The following TRIP12 variants were observed in gnomAD, a reference collection of about 807,000 sequenced individuals.
TRIP12 encodes thyroid hormone receptor interactor 12.
A neutral mutation model predicts 244.2 loss-of-function variants in TRIP12; 25 were observed. The observed-to-expected ratio is 0.10, with a 90% CI of 0.07 to 0.14. The LOEUF (loss-of-function observed/expected upper bound fraction) is 0.14. Among genes scored for constraint, TRIP12 ranks in the 10% least tolerant of loss-of-function variants. TRIP12 has a pLI of 1.00. For missense variants in TRIP12, 1,677 were observed against 2,486.4 expected (o/e 0.67, Z 6.92); for synonymous variants, 905 against 873.1 (o/e 1.04, Z -0.64).
At chr2:229,798,209 G>GC (rs2043299737) in intron 23 of TRIP12, among the ~76,000 whole-genome samples, 1 of 152,130 alleles carries the variant, frequency 6.6e-6, no homozygotes. Context: ...CCAGAAACAT[G>GC]CGCCTATTAA....
At chr2:229,840,597 G>T (rs928217115) in intron 5 of TRIP12, among the ~76,000 whole-genome samples, 7 of 151,986 alleles carry the variant, frequency 4.6e-5, no homozygotes, top group African/African-American at 1.7e-4. Context: ...AGCTACTAGG[G>T]AGGCTAAGGC....
chr2:229,862,996 G>T (rs532973689), intron 2 of TRIP12, among the ~76,000 whole-genome samples: 3 of 152,274 alleles, frequency 2.0e-5, no homozygotes, highest in South Asian at 4.1e-4. Flanking sequence ...TTGGGAGACA[G>T]AGGCGGATGT....
At chr2:229,772,260 G>C (rs2034625842) in intron 38 of TRIP12, among the ~76,000 whole-genome samples, 1 of 152,154 alleles carries the variant, frequency 6.6e-6, no homozygotes, top group Non-Finnish European at 1.5e-5. Context: ...AAAACATTAG[G>C]ATTTTCTTGA....
chr2:229,915,431 C>T (rs1303154933), intron 1 of TRIP12, among the ~76,000 whole-genome samples: 4 of 152,056 alleles, frequency 2.6e-5, no homozygotes, highest in African/African-American at 9.7e-5. Context: ...TTAGCATTAA[C>T]GATGCAAAAT....
chr2:229,788,941 C>A lies in TRIP12; in HGVS notation c.4696-1G>T. On this transcript the variant is annotated splice_acceptor_variant, in intron 31 of 41. Coordinates refer to ENST00000675903, the MANE Select transcript of TRIP12 (RefSeq NM_001348323.3). LOFTEE classifies it high-confidence loss of function. The stretch of plus-strand genomic sequence containing the variant: ...GAATAATTTCCTTGCACATTGCATT[C>A]TGTAAAATGTTTAAAAAAAAAAAAG... 6.3e-7 allele frequency: 1 copy of A among 1,588,692 alleles called. No individual in the cohort carries two copies. Among genetic ancestry groups the A allele is most frequent in the South Asian group, 1.2e-5 (1 of 85,946 alleles).
chr2:229,922,538 C>T (rs202219810), upstream of TRIP12: 38 of 1,613,984 alleles, frequency 2.4e-5, no homozygotes, highest in Non-Finnish European at 3.1e-5. Flanking sequence ...GCCGGAGACT[C>T]TCTTTGAAAC....
intron 1 of TRIP12, among the ~76,000 whole-genome samples, chr2:229,915,223 A>C (rs1021243730): frequency 6.6e-5 from 10 of 152,180 alleles, no homozygotes; most frequent in Admixed American, 3.9e-4. Flanking sequence ...ACTGCACTCC[A>C]ATCTGGACAA....
At chr2:229,840,782 A>C in intron 5 of TRIP12, 40 bp downstream of exon 5, 1 of 1,331,328 alleles carries the variant, frequency 7.5e-7, no homozygotes, top group Admixed American at 2.4e-5. Flanking sequence ...GAGCAACAGA[A>C]TAAAAATGAA....
chr2:229,899,506 G>C (rs1341880560), intron 1 of TRIP12, among the ~76,000 whole-genome samples: 1 of 152,192 alleles, frequency 6.6e-6, no homozygotes, highest in South Asian at 2.1e-4. Context: ...TGTGCAGATA[G>C]CCAGCGGTGA....
intron 2 of TRIP12, among the ~76,000 whole-genome samples, chr2:229,875,294 A>G (rs567569675): frequency 6.6e-6 from 1 of 152,318 alleles, no homozygotes; most frequent in Admixed American, 6.5e-5. Flanking sequence ...AATTTAAACT[A>G]TTTTTAAAAA....
At chr2:229,872,621 T>C (rs891065507) in intron 2 of TRIP12, among the ~76,000 whole-genome samples, 35 of 152,116 alleles carry the variant, frequency 2.3e-4, no homozygotes, top group Admixed American at 3.3e-4. Flanking sequence ...GCAAGTCACA[T>C]TACGGTATGT....
chr2:229,919,140 G>A (rs954126950), intron 1 of TRIP12, among the ~76,000 whole-genome samples: 2 of 152,188 alleles, frequency 1.3e-5, no homozygotes, highest in Non-Finnish European at 2.9e-5. Flanking sequence ...TGGGGCCGGC[G>A]TGGTGGCTCT....
chr2:229,789,903 G>A (rs769182007), intron 30 of TRIP12, 141 bp from the exon 31 acceptor site: 1 of 890,106 alleles, frequency 1.1e-6, no homozygotes, highest in Non-Finnish European at 1.6e-6. Context: ...GTATTGATAA[G>A]TTTGACAATC....
chr2:229,870,931 C>T (rs2062455037), intron 2 of TRIP12, among the ~76,000 whole-genome samples: 1 of 152,002 alleles, frequency 6.6e-6, no homozygotes, highest in Admixed American at 6.6e-5. Context: ...CCTAGCACTA[C>T]GGGAGGCTGA....
chr2:229,836,710 A>T (rs1334256453), intron 6 of TRIP12, 138 bp downstream of exon 6: 1 of 1,088,514 alleles, frequency 9.2e-7, no homozygotes, highest in Admixed American at 3.8e-5. Context: ...CAACTAATCA[A>T]AATATCAAAC....
At chr2:229,855,978 C>T (rs1242289800) in intron 4 of TRIP12, among the ~76,000 whole-genome samples, 1 of 150,206 alleles carries the variant, frequency 6.7e-6, no homozygotes, top group East Asian at 2.0e-4. Context: ...GTAGAGGTTG[C>T]GGTGAGCCAA....
Position 229,769,302 on chromosome 2 carries a change from A to G in TRIP12, c.5832T>C (p.Ser1944=). 3 of 1,614,074 alleles carry G rather than the reference A, an allele frequency of 1.9e-6. No homozygotes were observed. The highest frequency in any genetic ancestry group is 2.5e-6 in the Non-Finnish European group (3 of 1,179,992). Reference sequence around the variant, plus strand: ...TCTTTGCATCCCAAGTGTCTGCTTTACTGCCACAAAGGAGCTGATCCAGCT... The same window carrying G: ...TCTTTGCATCCCAAGTGTCTGCTTTGCTGCCACAAAGGAGCTGATCCAGCT... The part of the protein sequence containing the change: ...PEELDQLLCG[S]KADTWDAKTL... Residue 1944 remains serine, a synonymous_variant, in exon 40 of 42, where the codon AGT becomes AGC. Coordinates refer to ENST00000675903, the MANE Select transcript of TRIP12 (RefSeq NM_001348323.3).
intron 2 of TRIP12, among the ~76,000 whole-genome samples, chr2:229,861,698 T>C (rs1292222812): frequency 6.6e-6 from 1 of 152,176 alleles, no homozygotes; most frequent in Non-Finnish European, 1.5e-5. Flanking sequence ...AAGGTTTCTC[T>C]TTTCTGTATC....
intron 6 of TRIP12, among the ~76,000 whole-genome samples, chr2:229,834,286 T>C (rs1252635995): frequency 1.3e-5 from 2 of 152,258 alleles, no homozygotes; most frequent in East Asian, 1.9e-4. Context: ...ACTTTCTTTA[T>C]GTGATCTAAC....
Sources: gnomAD v4.1 joint callset for allele counts (sites outside exome capture counted in the v4.1 genomes callset) on GRCh38, gnomAD v4.1.1 for gene constraint, MANE v1.5 for transcripts, NCBI Gene and HGNC (gene_info 2026-07-23, HGNC 2026-07-21) for gene names.